The following PTPRD variants were observed in gnomAD, a reference collection of about 807,000 sequenced individuals.
PTPRD encodes receptor-type tyrosine-protein phosphatase delta.
A neutral mutation model predicts 214.5 loss-of-function variants in PTPRD; 34 were observed. That is an observed-to-expected ratio of 0.16 (90% CI 0.12 to 0.21). The LOEUF (loss-of-function observed/expected upper bound fraction) is 0.21. Ranked by LOEUF, PTPRD falls within the 10% of genes least tolerant of loss-of-function variation. PTPRD has a pLI of 1.00. For synonymous variants in PTPRD, 1,128 were observed against 845.7 expected, an observed-to-expected ratio of 1.33 and a Z score of -5.79; for missense variants, 2,545 against 2,398.7, an observed-to-expected ratio of 1.06 and a Z score of -1.27.
intron 2 of PTPRD, among the ~76,000 whole-genome samples, chr9:10,601,042 G>C (rs2077837783): frequency 6.6e-6 from 1 of 151,680 alleles, no homozygotes; most frequent in Non-Finnish European, 1.5e-5. Flanking sequence ...AAGAAATAAA[G>C]ATGAAAAGGT....
intron 5 of PTPRD, among the ~76,000 whole-genome samples, chr9:9,841,634 T>C (rs1352268091): frequency 1.3e-5 from 2 of 152,158 alleles, no homozygotes; most frequent in Admixed American, 6.6e-5. Flanking sequence ...AAGATGAAGT[T>C]GTTAGCACTG....
chr9:9,720,711 T>C (rs931800619), intron 7 of PTPRD, among the ~76,000 whole-genome samples: 1 of 152,128 alleles, frequency 6.6e-6, no homozygotes, highest in East Asian at 1.9e-4. Flanking sequence ...ATTGCAGTAC[T>C]ATTCACAATA....
At chr9:9,929,900 T>C (rs1321750086) in intron 5 of PTPRD, among the ~76,000 whole-genome samples, 1 of 152,226 alleles carries the variant, frequency 6.6e-6, no homozygotes, top group Admixed American at 6.5e-5. Flanking sequence ...GCCATAGTAC[T>C]GCTCTGATTT....
chr9:10,331,803 C>A (rs978943186), intron 3 of PTPRD, among the ~76,000 whole-genome samples: 6 of 151,884 alleles, frequency 4.0e-5, no homozygotes, highest in African/African-American at 1.4e-4. Flanking sequence ...GAAAAAATAC[C>A]TCTTAGATAA....
At chr9:8,357,639 G>A (rs1310784129) in intron 39 of PTPRD, among the ~76,000 whole-genome samples, 2 of 152,098 alleles carry the variant, frequency 1.3e-5, no homozygotes, top group African/African-American at 4.8e-5. Flanking sequence ...GGAAAATGAA[G>A]TTTTTTTCTT....
chr9:8,909,839 G>C (rs1217876494), intron 11 of PTPRD, among the ~76,000 whole-genome samples: 1 of 147,484 alleles, frequency 6.8e-6, no homozygotes, highest in Non-Finnish European at 1.5e-5. Context: ...GAACAGGAAA[G>C]GGAGATGGAG....
At chr9:8,648,920 A>C (rs1471302675) in intron 12 of PTPRD, among the ~76,000 whole-genome samples, 1 of 152,238 alleles carries the variant, frequency 6.6e-6, no homozygotes, top group African/African-American at 2.4e-5. Flanking sequence ...ATAATTTATC[A>C]CATTAGATGT....
At chr9:10,533,928 T>G (rs2057114693) in intron 2 of PTPRD, among the ~76,000 whole-genome samples, 1 of 151,640 alleles carries the variant, frequency 6.6e-6, no homozygotes, top group Admixed American at 6.6e-5. Flanking sequence ...TTAATTAAAA[T>G]TGCTCAGTTA....
intron 5 of PTPRD, among the ~76,000 whole-genome samples, chr9:9,927,595 T>C (rs367965724): frequency 2.6e-5 from 4 of 152,160 alleles, no homozygotes; most frequent in South Asian, 4.1e-4. Context: ...AGTATAGTTA[T>C]GTAAAGGAAT....
intron 7 of PTPRD, among the ~76,000 whole-genome samples, chr9:9,712,809 T>G (rs960394254): frequency 2.6e-5 from 4 of 152,204 alleles, no homozygotes; most frequent in Admixed American, 2.6e-4. Context: ...AAGTAGTTTA[T>G]TATCTAGCAT....
rs2132237440 is a variant in PTPRD at position 8,339,036 on chromosome 9, G to A, written c.5265C>T (p.His1755=). The change falls in exon 43 of 46, where the codon CAC becomes CAT. Residue 1755 remains histidine (H), a synonymous_variant. Coordinates refer to ENST00000381196, the MANE Select transcript of PTPRD (RefSeq NM_002839.4). The part of the protein sequence containing the change: ...KLREMGREKC[H]QYWPAERSAR... The stretch of plus-strand genomic sequence containing the variant: ...CAGACCGTTCTGCTGGCCAGTATTG[G>A]TGACATTTCTCCTAAAAGGAGAGAA... The A allele has an allele frequency of 6.2e-7, 1 of 1,611,442 alleles. No homozygotes were observed. The highest frequency in any genetic ancestry group is 1.7e-5 in the Admixed American group (1 of 59,804).
chr9:8,870,176 T>C (rs912217486), intron 11 of PTPRD, among the ~76,000 whole-genome samples: 2 of 150,568 alleles, frequency 1.3e-5, no homozygotes, highest in African/African-American at 4.9e-5. Flanking sequence ...CTTAGGTAGC[T>C]ATCCCCTGCC....
chr9:10,281,284 A>G (rs2095095249), intron 3 of PTPRD, among the ~76,000 whole-genome samples: 2 of 152,130 alleles, frequency 1.3e-5, no homozygotes, highest in South Asian at 4.1e-4. Flanking sequence ...CTCTAAGCAT[A>G]ATGTAGATAC....
At chr9:9,411,973 C>T (rs1587669696) in intron 8 of PTPRD, among the ~76,000 whole-genome samples, 1 of 152,164 alleles carries the variant, frequency 6.6e-6, no homozygotes, top group Admixed American at 6.5e-5. Context: ...AGGAAAAGGT[C>T]AGTGAAGGAT....
intron 5 of PTPRD, among the ~76,000 whole-genome samples, chr9:9,929,423 A>G (rs1340035831): frequency 6.6e-6 from 1 of 152,126 alleles, no homozygotes; most frequent in Non-Finnish European, 1.5e-5. Context: ...ACAGAGTCTC[A>G]CTACTCTGTC....
chr9:10,394,931 A>C (rs74940625), intron 2 of PTPRD, among the ~76,000 whole-genome samples: 2,554 of 147,466 alleles, frequency 0.017, 42 homozygotes, highest in Non-Finnish European at 0.023. Context: ...GAATCAACTT[A>C]TGTGTTGCCA....
At chr9:9,375,519 C>T (rs1205546159) in intron 9 of PTPRD, among the ~76,000 whole-genome samples, 3 of 152,096 alleles carry the variant, frequency 2.0e-5, no homozygotes, top group Admixed American at 1.3e-4. Context: ...TCACTTGAAC[C>T]TGGGAGGCGG....
chr9:10,353,371 T>C (rs1233389883), intron 2 of PTPRD, among the ~76,000 whole-genome samples: 1 of 151,976 alleles, frequency 6.6e-6, no homozygotes, highest in Non-Finnish European at 1.5e-5. Flanking sequence ...CATTTGACTA[T>C]TTCAGAGTTT....
At chr9:9,392,551 A>G (rs1341829865) in intron 9 of PTPRD, among the ~76,000 whole-genome samples, 1 of 152,130 alleles carries the variant, frequency 6.6e-6, no homozygotes, top group Non-Finnish European at 1.5e-5. Flanking sequence ...TGTTAGGTCA[A>G]GAGTAGAATT....
Sources: gnomAD v4.1 joint callset for allele counts (sites outside exome capture counted in the v4.1 genomes callset) on GRCh38, gnomAD v4.1.1 for gene constraint, MANE v1.5 for transcripts, NCBI Gene and HGNC (gene_info 2026-07-23, HGNC 2026-07-21) for gene names.